The following CRACR2A variants were observed in gnomAD, a reference collection of about 807,000 sequenced individuals.
CRACR2A encodes the protein calcium release activated channel regulator 2A, also known as EF-hand calcium-binding domain-containing protein 4B.
In CRACR2A, 79 loss-of-function variants were observed where a neutral mutation model predicts 90.5. The ratio of observed to expected loss-of-function variants is 0.87; its 90% CI spans 0.73 to 1.05. CRACR2A has a LOEUF of 1.05. Ranked by LOEUF, CRACR2A falls within the 50% of genes least tolerant of loss-of-function variation. The pLI is 0.00. For missense variants in CRACR2A, 823 were observed against 897.2 expected, an observed-to-expected ratio of 0.92 and a Z score of 1.06; for synonymous variants, 338 against 356.7, an observed-to-expected ratio of 0.95 and a Z score of 0.59.
At chr12:3,701,645 T>C (rs1175511165) in intron 3 of CRACR2A, among the ~76,000 whole-genome samples, 1 of 152,160 alleles carries the variant, frequency 6.6e-6, no homozygotes, top group African/African-American at 2.4e-5. Flanking sequence ...AATAATTCTA[T>C]ATCTGCCAAA....
intron 13 of CRACR2A, among the ~76,000 whole-genome samples, chr12:3,638,770 G>A (rs904515915): frequency 2.0e-5 from 3 of 152,176 alleles, no homozygotes; most frequent in African/African-American, 4.8e-5. Flanking sequence ...TTTAGTGGGG[G>A]ACTAAAGCAA....
intron 4 of CRACR2A, among the ~76,000 whole-genome samples, chr12:3,694,747 G>A (rs1388188435): frequency 1.3e-5 from 2 of 152,200 alleles, no homozygotes; most frequent in African/African-American, 4.8e-5. Context: ...GTGCTTAAAT[G>A]ACACGCTCAG....
At chr12:3,655,884 C>T (rs1944894919) in intron 9 of CRACR2A, among the ~76,000 whole-genome samples, 1 of 152,198 alleles carries the variant, frequency 6.6e-6, no homozygotes, top group Non-Finnish European at 1.5e-5. Flanking sequence ...AGAACCTGTT[C>T]CAGCAGAGGT....
chr12:3,676,289 C>T (rs1393575288), intron 6 of CRACR2A, among the ~76,000 whole-genome samples: 2 of 152,170 alleles, frequency 1.3e-5, no homozygotes, highest in African/African-American at 4.8e-5. Flanking sequence ...AACACACACA[C>T]AGCATGTTGT....
chr12:3,639,627 T>C, intron 13 of CRACR2A, among the ~76,000 whole-genome samples: 1 of 152,000 alleles, frequency 6.6e-6, no homozygotes. Flanking sequence ...ATTTAAAATA[T>C]GTATTACTCT....
In CRACR2A at chr12:3,696,762, C is replaced by T; in HGVS notation, c.228+10G>A. 1 of 1,614,120 alleles carries T rather than the reference C, an allele frequency of 6.2e-7. No individual in the cohort carries two copies. Among genetic ancestry groups the T allele is most frequent in the Non-Finnish European group, 8.5e-7 (1 of 1,180,016 alleles). On this transcript the variant is annotated intron_variant, in intron 4 of 19. Transcript: ENST00000440314. ...TCTCAGTGGGCAGGCCTACCTGGGA[C>T]CCCACTTACCTGCATATCCTTCCTG...
intron 3 of CRACR2A, among the ~76,000 whole-genome samples, chr12:3,710,961 G>A (rs1393564413): frequency 1.3e-5 from 2 of 152,112 alleles, no homozygotes; most frequent in African/African-American, 4.8e-5. Context: ...CAGTTATTCA[G>A]TCCGTAGCAT....
In CRACR2A at chr12:3,713,311, A is replaced by G. The variant is rs1234537975; in HGVS notation, c.-111T>C. ...GGTACTTTGGCCACTGGTGACTTGA[A>G]TTCCACCTAGGAAACACACAAGAGA... On this transcript the variant is annotated 5_prime_UTR_variant, in exon 3 of 20. Transcript: ENST00000440314. 1.0e-6 allele frequency: 1 copy of G among 985,146 alleles called. No homozygotes were observed. The highest frequency in any genetic ancestry group is 1.2e-6 in the Non-Finnish European group (1 of 829,880). 61.0% of individuals were successfully genotyped at this position (985,146 alleles called of 1,614,324 possible).
intron 1 of CRACR2A, among the ~76,000 whole-genome samples, chr12:3,739,495 A>G (rs1946492805): frequency 6.6e-6 from 1 of 152,250 alleles, no homozygotes; most frequent in Non-Finnish European, 1.5e-5. Context: ...GCTAACAACA[A>G]CGAATGACTC....
chr12:3,641,347 A>AAAC (rs541677254), intron 13 of CRACR2A, among the ~76,000 whole-genome samples: 361 of 152,266 alleles, frequency 2.4e-3, no homozygotes, highest in Non-Finnish European at 4.2e-3. Flanking sequence ...CTGTCTCAAA[A>AAAC]AACAACAACA....
At chr12:3,640,543 G>A in intron 13 of CRACR2A, 1 of 1,248,120 alleles carries the variant, frequency 8.0e-7, no homozygotes, top group Non-Finnish European at 1.0e-6. Flanking sequence ...TCCATTCTGA[G>A]GAACCAACAG....
At chr12:3,739,363 G>A (rs1269498033) in intron 1 of CRACR2A, among the ~76,000 whole-genome samples, 4 of 152,126 alleles carry the variant, frequency 2.6e-5, no homozygotes, top group Admixed American at 6.5e-5. Flanking sequence ...TTTTTTTGAG[G>A]AATAAATGAG....
intron 4 of CRACR2A, among the ~76,000 whole-genome samples, chr12:3,685,004 C>A (rs1945526970): frequency 6.6e-6 from 1 of 152,358 alleles, no homozygotes; most frequent in African/African-American, 2.4e-5. Context: ...CTGAATAAAA[C>A]CATATTCACC....
chr12:3,709,060 T>C lies in CRACR2A; in HGVS notation c.-37+4177A>G, dbSNP rs189914074. Among the ~76,000 whole-genome samples, 37 of 152,322 alleles carry C rather than the reference T, an allele frequency of 2.4e-4. No homozygotes were observed. The East Asian group carries it at 7.1e-3, about 29-fold the overall frequency. ...TGGCAGCTGATGTGGGAGATACAGA[T>C]TTGTATTGTCTTTCACAATGCACTG... On this transcript the variant is annotated intron_variant, in intron 3 of 19. Transcript: ENST00000440314.
chr12:3,655,321 T>G (rs1944881544), intron 9 of CRACR2A, among the ~76,000 whole-genome samples: 1 of 152,130 alleles, frequency 6.6e-6, no homozygotes, highest in South Asian at 2.1e-4. Flanking sequence ...CAACTGTGGA[T>G]GGGGAAATGG....
At chr12:3,721,769 T>G (rs1480170123) in intron 2 of CRACR2A, among the ~76,000 whole-genome samples, 1 of 152,168 alleles carries the variant, frequency 6.6e-6, no homozygotes, top group Non-Finnish European at 1.5e-5. Flanking sequence ...GGTGGTTATC[T>G]TGTTTATTGG....
At position 3,673,353 on chromosome 12, in the gene CRACR2A, C is replaced by T. The variant is rs373956073; in HGVS notation, c.671+93G>A. The stretch of plus-strand genomic sequence containing the variant: ...GCAGACAGCAAAAGGAGGCATTGCA[C>T]GATGTTTTGGCAGAAGATCTAAGAG... On this transcript the variant is annotated intron_variant, in intron 7 of 19. Transcript: ENST00000440314. 1.3e-4 allele frequency: 188 copies of T among 1,474,070 alleles called. 1 individual carries two copies. The East Asian group carries it at 1.7e-3, about 13-fold the overall frequency. The allele number at this position is 1,474,070 out of a possible 1,614,324, so 91.3% of individuals were successfully genotyped here. A position where few individuals can be genotyped will look rare whatever the true frequency, so the allele number is the denominator to read the frequency against.
chr12:3,752,367 C>CGG (rs1468099276), intron 1 of CRACR2A, among the ~76,000 whole-genome samples: 1 of 78,632 alleles, frequency 1.3e-5, no homozygotes, highest in African/African-American at 3.5e-5. Flanking sequence ...GACACACACA[C>CGG]ACAGACACAC....
At chr12:3,722,171 C>T (rs1200947564) in intron 2 of CRACR2A, among the ~76,000 whole-genome samples, 4 of 152,162 alleles carry the variant, frequency 2.6e-5, no homozygotes, top group Non-Finnish European at 5.9e-5. Flanking sequence ...TAGCACATAA[C>T]AGGAGTCAAC....
Sources: allele counts gnomAD v4.1 joint callset (sites outside exome capture counted in the v4.1 genomes callset), GRCh38; gene constraint gnomAD v4.1.1; transcripts MANE v1.5; gene names NCBI Gene and HGNC (gene_info 2026-07-23, HGNC 2026-07-21).